The following GPR157 variants were observed in gnomAD, a reference collection of about 807,000 sequenced individuals.
The protein encoded by GPR157 is G-protein coupled receptor 157.
In GPR157, 16 loss-of-function variants were observed where a neutral mutation model predicts 23.5. The ratio of observed to expected loss-of-function variants is 0.68; its 90% CI spans 0.46 to 1.04. The LOEUF is 1.04. Ranked by LOEUF, GPR157 falls within the 50% of genes least tolerant of loss-of-function variation. The pLI, the probability that GPR157 is intolerant of heterozygous loss-of-function variation, is 0.00. For missense variants in GPR157, 440 were observed against 460.7 expected, an observed-to-expected ratio of 0.96 and a Z score of 0.41; for synonymous variants, 200 against 221.5, an observed-to-expected ratio of 0.90 and a Z score of 0.86.
Position 9,129,068 on chromosome 1 carries a change from G to A in GPR157, c.-41C>T. On this transcript the variant is annotated 5_prime_UTR_variant, in exon 1 of 4. Coordinates refer to ENST00000377411, the MANE Select transcript of GPR157 (RefSeq NM_024980.5). ...GAGCCGGAGCGCCGCGAGGACAGAA[G>A]CCGGGCCGCGCGTGCGGCCACGCCG... 4 of 1,219,326 alleles carry A rather than the reference G, an allele frequency of 3.3e-6. No homozygotes were observed. The highest frequency in any genetic ancestry group is 4.1e-6 in the Non-Finnish European group (4 of 980,760). The allele number at this position is 1,219,326 out of a possible 1,614,324, so 75.5% of individuals were successfully genotyped here.
chr1:9,128,409 A>T lies in GPR157; in HGVS notation c.383+236T>A. On this transcript the variant is annotated intron_variant, in intron 1 of 3. Transcript: ENST00000377411. This position sits in a 1 kb window ranked among gnomAD's most constrained non-coding sequence, Gnocchi z 6.3. ...GGCTCTGGGGGCGAACTCTGTCCCC[A>T]CTACCCCAAGGGGCTGTGCCCTGGG... is the stretch of plus-strand genomic sequence containing the variant. The T allele has an allele frequency of 2.9e-6, 2 of 695,788 alleles. No individual in the cohort carries two copies. Among genetic ancestry groups the T allele is most frequent in the Non-Finnish European group, 5.2e-6 (2 of 381,296 alleles). 43.1% of individuals were successfully genotyped at this position (695,788 alleles called of 1,614,324 possible).
chr1:9,114,513 A>AATAGGGGATTCCCC (rs961205423), intron 1 of GPR157, among the ~76,000 whole-genome samples: 2 of 151,960 alleles, frequency 1.3e-5, no homozygotes, highest in African/African-American at 4.8e-5. Context: ...GGGTCACTCA[A>AATAGGGGATTCCCC]ATAGGGGATT....
chr1:9,109,559 AT>A (rs1346511259), intron 2 of GPR157, among the ~76,000 whole-genome samples: 1 of 151,688 alleles, frequency 6.6e-6, no homozygotes, highest in Non-Finnish European at 1.5e-5. Flanking sequence ...CATCCAGCTA[AT>A]TTTTGTTATT....
At position 9,105,446 on chromosome 1, in the gene GPR157, T is replaced by A; in HGVS notation, c.792+40A>T. 6.7e-7 allele frequency: 1 copy of A among 1,494,072 alleles called. No individual in the cohort carries two copies. Among genetic ancestry groups the A allele is most frequent in the Non-Finnish European group, 9.0e-7 (1 of 1,109,854 alleles). 92.6% of individuals were successfully genotyped at this position (1,494,072 alleles called of 1,614,324 possible). On this transcript the variant is annotated intron_variant, in intron 3 of 3. Coordinates refer to ENST00000377411, the MANE Select transcript of GPR157 (RefSeq NM_024980.5). This position sits in a 1 kb window ranked among gnomAD's most constrained non-coding sequence, Gnocchi z 4.8. Reference sequence around the variant, plus strand: ...GGAAGGAATCAGGCTGTGCCTCCTCTGGGGGCAGGGACGACAAGGGCCAGG... The same window carrying A: ...GGAAGGAATCAGGCTGTGCCTCCTCAGGGGGCAGGGACGACAAGGGCCAGG...
In GPR157 at chr1:9,123,637, A is replaced by AT. The variant is rs1557701224; in HGVS notation, c.383+5007_383+5008insA. On this transcript the variant is annotated intron_variant, in intron 1 of 3. Coordinates refer to ENST00000377411, the MANE Select transcript of GPR157 (RefSeq NM_024980.5). ...TTAAAATTAAATATATTTTAAATAT[A>AT]CATTAATATTAAATATATATTAAAT... 9.9e-5 allele frequency among the ~76,000 whole-genome samples: 11 copies of AT among 111,670 alleles called. No individual in the cohort carries two copies. In the Admixed American group the frequency reaches 1.1e-3, roughly 11 times the overall value. The allele number at this position is 111,670 out of a possible 152,430, so 73.3% of individuals were successfully genotyped here.
chr1:9,123,174 A>AAAAAAATATAT (rs1553175764), intron 1 of GPR157, among the ~76,000 whole-genome samples: 1 of 117,090 alleles, frequency 8.5e-6, no homozygotes, highest in Admixed American at 1.1e-4. Context: ...AAAAAAAAAA[A>AAAAAAATATAT]ATATATATAT....
At chr1:9,125,667 G>A (rs964208988) in intron 1 of GPR157, among the ~76,000 whole-genome samples, 2 of 152,120 alleles carry the variant, frequency 1.3e-5, no homozygotes, top group African/African-American at 4.8e-5. Context: ...TTCAAAACCA[G>A]TATCAAAGAG....
intron 1 of GPR157, among the ~76,000 whole-genome samples, chr1:9,119,825 G>A (rs1638761483): frequency 1.3e-5 from 2 of 152,222 alleles, no homozygotes; most frequent in African/African-American, 4.8e-5. Context: ...GTCCTCCAGA[G>A]AAAGGAAGTG....
chr1:9,104,116 A>T lies in GPR157; in HGVS notation c.*303T>A. The T allele has an allele frequency of 2.6e-6, 1 of 386,984 alleles. No homozygotes were observed. The highest frequency in any genetic ancestry group is 4.8e-6 in the Non-Finnish European group (1 of 206,320). 24.0% of individuals were successfully genotyped at this position (386,984 alleles called of 1,614,324 possible). A position where few individuals can be genotyped will look rare whatever the true frequency, so the allele number is the denominator to read the frequency against. On this transcript the variant is annotated 3_prime_UTR_variant, in exon 4 of 4. Transcript: ENST00000377411. ...TGTGGTCCTCAGGACATCAAGGTCC[A>T]CTGGGTGGGGGCACTGTGGCCACAG...
intron 1 of GPR157, among the ~76,000 whole-genome samples, chr1:9,123,322 T>TATATATATTTAATTTAA (rs1638860424): frequency 4.2e-5 from 1 of 24,034 alleles, no homozygotes; most frequent in African/African-American, 1.5e-4. Flanking sequence ...TATATTAAAA[T>TATATATATTTAATTTAA]ATATATATTT....
intron 1 of GPR157, among the ~76,000 whole-genome samples, chr1:9,122,802 A>C (rs556202837): frequency 6.6e-6 from 1 of 152,208 alleles, no homozygotes; most frequent in African/African-American, 2.4e-5. Flanking sequence ...ATGAAAATTA[A>C]GTCAACATAC....
chr1:9,128,581 G>T lies in GPR157; in HGVS notation c.383+64C>A. 6.6e-7 allele frequency: 1 copy of T among 1,505,738 alleles called. No homozygotes were observed. Among genetic ancestry groups the T allele is most frequent in the Non-Finnish European group, 9.2e-7 (1 of 1,091,722 alleles). The allele number at this position is 1,505,738 out of a possible 1,614,324, so 93.3% of individuals were successfully genotyped here. On this transcript the variant is annotated intron_variant, in intron 1 of 3. Transcript: ENST00000377411. This position sits in a 1 kb window ranked among gnomAD's most constrained non-coding sequence, Gnocchi z 6.3. ...CAACCTAGACGCGGCCTCTGGGAGGGCAAGACCGGGAGGGGTCGGCCTGTG... is the reference window on the plus strand; with the variant it reads ...CAACCTAGACGCGGCCTCTGGGAGGTCAAGACCGGGAGGGGTCGGCCTGTG...
chr1:9,125,707 A>G (rs1007200963), intron 1 of GPR157, among the ~76,000 whole-genome samples: 1 of 151,994 alleles, frequency 6.6e-6, no homozygotes, highest in Admixed American at 6.6e-5. Context: ...GGGAGGGTAG[A>G]CTCTTAACTT....
Position 9,104,074 on chromosome 1 carries a change from G to A in GPR157, c.*345C>T, listed in dbSNP as rs3737669. The A allele has an allele frequency of 0.52, 129,176 of 250,260 alleles. 34,162 individuals carry two copies. The highest frequency in any genetic ancestry group is 0.56 in the Admixed American group (11,653 of 20,848). The allele number at this position is 250,260 out of a possible 1,614,324, so 15.5% of individuals were successfully genotyped here. ...TAGGTGCACAGATGTGGGTCCCTCA[G>A]ATTGTAAACAGTGCTGTGTGGTCCT... On this transcript the variant is annotated 3_prime_UTR_variant, in exon 4 of 4. Coordinates refer to ENST00000377411, the MANE Select transcript of GPR157 (RefSeq NM_024980.5).
Position 9,104,639 on chromosome 1 carries a change from C to G in GPR157, c.793-5G>C, listed in dbSNP as rs202227960. 3 of 1,584,504 alleles carry G rather than the reference C, an allele frequency of 1.9e-6. No homozygotes were observed. The Admixed American group carries it at 5.3e-5, about 28-fold the overall frequency. On this transcript the variant is annotated splice_polypyrimidine_tract_variant and splice_region_variant and intron_variant, in intron 3 of 3. Transcript: ENST00000377411. ...CTGAAACGTGTTCCCGATACCCTGT[C>G]GGGAGAAAAGGAGCTGTGAGCATGG...
Position 9,105,346 on chromosome 1 carries a change from G to T in GPR157, c.792+140C>A. The T allele has an allele frequency of 1.4e-6, 1 of 713,556 alleles. No individual in the cohort carries two copies. Among genetic ancestry groups the T allele is most frequent in the Non-Finnish European group, 2.3e-6 (1 of 436,746 alleles). The allele number at this position is 713,556 out of a possible 1,614,324, so 44.2% of individuals were successfully genotyped here. ...GGTCCTGTCTCAGGCAGAGAGGAAGGCACAGCACAGTGGGGCCGAGCTCCT... is the reference window on the plus strand; with the variant it reads ...GGTCCTGTCTCAGGCAGAGAGGAAGTCACAGCACAGTGGGGCCGAGCTCCT... On this transcript the variant is annotated intron_variant, in intron 3 of 3. Coordinates refer to ENST00000377411, the MANE Select transcript of GPR157 (RefSeq NM_024980.5). This position sits in a 1 kb window ranked among gnomAD's most constrained non-coding sequence, Gnocchi z 4.8.
intron 1 of GPR157, among the ~76,000 whole-genome samples, chr1:9,114,036 ACAGGC>A (rs149110953): frequency 0.017 from 2,598 of 151,056 alleles, 27 homozygotes; most frequent in Non-Finnish European, 0.025. Context: ...AAAACTCATG[ACAGGC>A]CAGGCGAGGT....
chr1:9,104,161 C>G lies in GPR157; in HGVS notation c.*258G>C, dbSNP rs573670077. The G allele has an allele frequency of 4.2e-6, 2 of 479,198 alleles. No homozygotes were observed. The highest frequency in any genetic ancestry group is 3.9e-5 in the African/African-American group (2 of 51,808). The allele number at this position is 479,198 out of a possible 1,614,324, so 29.7% of individuals were successfully genotyped here. On this transcript the variant is annotated 3_prime_UTR_variant, in exon 4 of 4. Coordinates refer to ENST00000377411, the MANE Select transcript of GPR157 (RefSeq NM_024980.5). Reference sequence around the variant, plus strand: ...CCACAGCTGTGGGCCACCGGCTTCCCGAATCTCACTGCTACCCTTATGCAG... The same window carrying G: ...CCACAGCTGTGGGCCACCGGCTTCCGGAATCTCACTGCTACCCTTATGCAG...
chr1:9,122,805 C>T (rs887584790), intron 1 of GPR157, among the ~76,000 whole-genome samples: 1 of 151,908 alleles, frequency 6.6e-6, no homozygotes, highest in African/African-American at 2.4e-5. Context: ...AAAATTAAGT[C>T]AACATACAAG....
Sources: gnomAD v4.1 joint callset for allele counts (sites outside exome capture counted in the v4.1 genomes callset) on GRCh38, gnomAD v4.1.1 for gene constraint, Gnocchi (gnomAD v3.1) non-coding constraint, MANE v1.5 for transcripts, NCBI Gene and HGNC (gene_info 2026-07-23, HGNC 2026-07-21) for gene names.